The following PRUNE2 variants were observed in gnomAD, a reference collection of about 807,000 sequenced individuals.
PRUNE2 encodes the protein prune homolog 2 with BCH domain.
A neutral mutation model predicts 252.0 loss-of-function variants in PRUNE2; 164 were observed. The observed-to-expected ratio is 0.65, with a 90% CI of 0.57 to 0.74. PRUNE2 has a LOEUF of 0.74. PRUNE2 is among the 30% of genes least tolerant of loss of function. The probability of loss-of-function intolerance (pLI) is 0.00; values close to 1 mark genes in which losing one functional copy is unlikely to be tolerated. For synonymous variants in PRUNE2, 1,292 were observed against 1,350.2 expected (o/e 0.96, Z 0.94); for missense variants, 3,495 against 3,711.0 (o/e 0.94, Z 1.51).
intron 6 of PRUNE2, among the ~76,000 whole-genome samples, chr9:76,742,537 G>A (rs1236796221): frequency 6.6e-6 from 1 of 151,954 alleles, no homozygotes. Flanking sequence ...AGCATTACTT[G>A]AGCCCAGGAG....
intron 1 of PRUNE2, among the ~76,000 whole-genome samples, chr9:76,880,388 A>T (rs949642255): frequency 2.0e-5 from 3 of 152,204 alleles, no homozygotes; most frequent in Non-Finnish European, 2.9e-5. Context: ...AAATTAGAAG[A>T]CACTATTTGC....
chr9:76,896,692 C>G (rs912831151), intron 1 of PRUNE2, among the ~76,000 whole-genome samples: 6 of 152,158 alleles, frequency 3.9e-5, no homozygotes, highest in African/African-American at 1.4e-4. Flanking sequence ...AACCAGCAGA[C>G]TGGAGAGCCA....
At chr9:76,858,232 C>T (rs1471165049) in intron 1 of PRUNE2, among the ~76,000 whole-genome samples, 1 of 152,210 alleles carries the variant, frequency 6.6e-6, no homozygotes, top group Non-Finnish European at 1.5e-5. Context: ...TCCCATCCCT[C>T]ACTGCACTTG....
chr9:76,684,844 C>T (rs1423770627), intron 9 of PRUNE2, among the ~76,000 whole-genome samples: 1 of 151,888 alleles, frequency 6.6e-6, no homozygotes, highest in Non-Finnish European at 1.5e-5. Flanking sequence ...CTCCACCTCC[C>T]GAGTTCAAGC....
At chr9:76,693,602 C>T (rs2045048581) in intron 9 of PRUNE2, among the ~76,000 whole-genome samples, 1 of 151,896 alleles carries the variant, frequency 6.6e-6, no homozygotes, top group South Asian at 2.1e-4. Flanking sequence ...CACCACCACG[C>T]CCAGCTAATT....
intron 6 of PRUNE2, among the ~76,000 whole-genome samples, chr9:76,772,365 T>C (rs1338241431): frequency 1.3e-5 from 2 of 152,102 alleles, no homozygotes; most frequent in Admixed American, 6.6e-5. Flanking sequence ...GCAATAGTCA[T>C]TTTGGGGGCT....
At chr9:76,669,276 A>G (rs1404142090) in intron 9 of PRUNE2, among the ~76,000 whole-genome samples, 1 of 151,772 alleles carries the variant, frequency 6.6e-6, no homozygotes, top group Admixed American at 6.6e-5. Flanking sequence ...ACACAGTACA[A>G]GGTCACACCA....
intron 6 of PRUNE2, among the ~76,000 whole-genome samples, chr9:76,802,911 C>T (rs879534060): frequency 1.3e-5 from 2 of 152,054 alleles, no homozygotes; most frequent in Non-Finnish European, 2.9e-5. Flanking sequence ...ATGCTGACAT[C>T]GACACACTTT....
At chr9:76,732,434 C>T (rs2048707055) in intron 6 of PRUNE2, among the ~76,000 whole-genome samples, 1 of 152,230 alleles carries the variant, frequency 6.6e-6, no homozygotes, top group African/African-American at 2.4e-5. Context: ...CCTTACCACC[C>T]ACGCACATTT....
Position 76,660,801 on chromosome 9 carries a change from AG to A in PRUNE2, c.8277-5300del, listed in dbSNP as rs1851100384. On this transcript the variant is annotated intron_variant, in intron 9 of 18. Coordinates refer to ENST00000376718, the MANE Select transcript of PRUNE2 (RefSeq NM_015225.3). Reference sequence around the variant, plus strand: ...TGAATCAAAAAAAAAAAAAAAAAAAAGAAAGAAAGAAAGAATCAGATGTGAA... The same window carrying A: ...TGAATCAAAAAAAAAAAAAAAAAAAAAAAGAAAGAAAGAATCAGATGTGAA... Among the ~76,000 whole-genome samples, 4 of 150,396 alleles carry A rather than the reference AG, an allele frequency of 2.7e-5. No individual in the cohort carries two copies. The South Asian group carries it at 6.3e-4, about 24-fold the overall frequency.
chr9:76,620,613 G>A (rs756298719), intron 17 of PRUNE2, among the ~76,000 whole-genome samples: 2 of 151,986 alleles, frequency 1.3e-5, no homozygotes, highest in African/African-American at 2.4e-5. Context: ...AATGACAGGC[G>A]GCTATCTCCC....
Position 76,826,479 on chromosome 9 carries a change from A to G in PRUNE2, c.661+101T>C, listed in dbSNP as rs189413213. The G allele has an allele frequency of 5.6e-3, 5,135 of 917,830 alleles. 26 individuals carry two copies. Among genetic ancestry groups the G allele is most frequent in the Non-Finnish European group, 7.1e-3 (4,405 of 617,458 alleles). 56.9% of individuals were successfully genotyped at this position (917,830 alleles called of 1,614,324 possible). A position where few individuals can be genotyped will look rare whatever the true frequency, so the allele number is the denominator to read the frequency against. On this transcript the variant is annotated intron_variant, in intron 5 of 18. Coordinates refer to ENST00000376718, the MANE Select transcript of PRUNE2 (RefSeq NM_015225.3). ...TAGAGTGAGACTCTGTATAAAAAACAAACAAAGAAACAAATATACCTTCTC... is the reference window on the plus strand; with the variant it reads ...TAGAGTGAGACTCTGTATAAAAAACGAACAAAGAAACAAATATACCTTCTC...
chr9:76,801,951 A>C (rs2131579888), intron 6 of PRUNE2, among the ~76,000 whole-genome samples: 2 of 152,286 alleles, frequency 1.3e-5, no homozygotes, highest in East Asian at 3.9e-4. Flanking sequence ...CAAATTAACC[A>C]TATGGCTACC....
intron 6 of PRUNE2, among the ~76,000 whole-genome samples, chr9:76,823,027 A>C (rs1456293903): frequency 2.6e-5 from 4 of 152,222 alleles, no homozygotes; most frequent in African/African-American, 9.6e-5. Flanking sequence ...AGTTAGGTTA[A>C]TTAAGATTAA....
At chr9:76,809,501 T>A (rs1026052645) in intron 6 of PRUNE2, among the ~76,000 whole-genome samples, 8 of 152,108 alleles carry the variant, frequency 5.3e-5, no homozygotes, top group Non-Finnish European at 8.8e-5. Flanking sequence ...ATCGAGACCA[T>A]CCTGGCCAAC....
At chr9:76,633,216 C>T (rs35930432) in intron 15 of PRUNE2, among the ~76,000 whole-genome samples, 35,526 of 150,856 alleles carry the variant, frequency 0.24, 4,550 homozygotes, top group African/African-American at 0.32. Context: ...AGTGAAACTC[C>T]CTTTCAAAAA....
intron 6 of PRUNE2, chr9:76,739,286 A>G (rs2135533896): frequency 6.6e-6 from 1 of 152,302 alleles, no homozygotes; most frequent in Non-Finnish European, 1.5e-5. Context: ...GCTGTAGCCC[A>G]TGCAGCTCTG....
chr9:76,852,013 GT>G (rs1183733378), intron 2 of PRUNE2, among the ~76,000 whole-genome samples: 1 of 152,200 alleles, frequency 6.6e-6, no homozygotes, highest in Non-Finnish European at 1.5e-5. Flanking sequence ...GCTTGTCACA[GT>G]TTTAACACCT....
chr9:76,703,102 G>T (rs1167674056), intron 9 of PRUNE2, among the ~76,000 whole-genome samples: 1 of 63,778 alleles, frequency 1.6e-5, no homozygotes, highest in Non-Finnish European at 3.5e-5. Flanking sequence ...CAGTTGGGGG[G>T]TAGGTATAAG....
Sources: gnomAD v4.1 joint callset for allele counts (sites outside exome capture counted in the v4.1 genomes callset) on GRCh38, gnomAD v4.1.1 for gene constraint, MANE v1.5 for transcripts, NCBI Gene and HGNC (gene_info 2026-07-23, HGNC 2026-07-21) for gene names.